Variants in CHST15 observed in about 807,000 individuals in gnomAD.
The protein encoded by CHST15 is carbohydrate sulfotransferase 15.
In CHST15, 30 loss-of-function variants were observed where a neutral mutation model predicts 53.6. That is an observed-to-expected ratio of 0.56 (90% CI 0.42 to 0.76). The LOEUF is 0.76. Ranked by LOEUF, CHST15 falls within the 30% of genes least tolerant of loss-of-function variation. CHST15 has a pLI of 0.00. For missense variants in CHST15, 627 were observed against 740.5 expected (o/e 0.85, Z 1.78); for synonymous variants, 296 against 289.8 (o/e 1.02, Z -0.22).
chr10:124,030,907 C>T (rs1051872408), intron 5 of CHST15, among the ~76,000 whole-genome samples: 2 of 152,230 alleles, frequency 1.3e-5, no homozygotes, highest in African/African-American at 4.8e-5. Context: ...TGCCCTAGGG[C>T]GGGCATCCTG....
At chr10:124,020,482 G>A (rs1377767521) in intron 6 of CHST15, 2 of 985,428 alleles carry the variant, frequency 2.0e-6, no homozygotes, top group Non-Finnish European at 2.4e-6. Context: ...CACGGCCTCT[G>A]TAGTAAGAAA....
Position 124,074,804 on chromosome 10 carries a change from G to A in CHST15, c.-513+18665C>T, listed in dbSNP as rs1949021883. Among the ~76,000 whole-genome samples, 1 of 152,152 alleles carries A rather than the reference G, an allele frequency of 6.6e-6. No individual in the cohort carries two copies. Among genetic ancestry groups the A allele is most frequent in the African/African-American group, 2.4e-5 (1 of 41,424 alleles). ...TAGACTCTAACCTCCATGAGGACAGGACCTGGGCATGTCTCACTCGCCACT... is the reference window on the plus strand; with the variant it reads ...TAGACTCTAACCTCCATGAGGACAGAACCTGGGCATGTCTCACTCGCCACT... On this transcript the variant is annotated intron_variant, in intron 1 of 7. Transcript: ENST00000435907. This position sits in a 1 kb window ranked among gnomAD's most constrained non-coding sequence, Gnocchi z 4.4.
chr10:124,076,927 T>C (rs1213773656), intron 1 of CHST15, among the ~76,000 whole-genome samples: 2 of 152,184 alleles, frequency 1.3e-5, no homozygotes, highest in African/African-American at 4.8e-5. Flanking sequence ...GCCAGGATGG[T>C]CTCAATCTCC....
At chr10:124,073,743 G>T (rs1948990921) in intron 1 of CHST15, among the ~76,000 whole-genome samples, 1 of 152,240 alleles carries the variant, frequency 6.6e-6, no homozygotes, top group Non-Finnish European at 1.5e-5. Context: ...TCTCCCATCA[G>T]ACGACGCCCA....
chr10:124,057,980 A>G (rs1328798338), intron 1 of CHST15, among the ~76,000 whole-genome samples: 2 of 151,760 alleles, frequency 1.3e-5, no homozygotes, highest in African/African-American at 4.9e-5. Context: ...CTCCCCCCCA[A>G]TGATTTCAAT....
At chr10:124,048,940 T>C (rs1008433802) in intron 1 of CHST15, among the ~76,000 whole-genome samples, 2 of 152,024 alleles carry the variant, frequency 1.3e-5, no homozygotes, top group Admixed American at 1.3e-4. Flanking sequence ...GGAGGGAAGA[T>C]GGGGTGCCCG....
In CHST15 at chr10:124,075,989, C is replaced by T. The variant is rs147651047; in HGVS notation, c.-513+17480G>A. ...TGACAAGGATGACCTACAGTGGCCCCTAAAATCCTAGACTGTCTCCAGGAG... is the reference window on the plus strand; with the variant it reads ...TGACAAGGATGACCTACAGTGGCCCTTAAAATCCTAGACTGTCTCCAGGAG... On this transcript the variant is annotated intron_variant, in intron 1 of 7. Transcript: ENST00000435907. Among the ~76,000 whole-genome samples, 1,178 of 152,296 alleles carry T rather than the reference C, an allele frequency of 7.7e-3. 18 individuals are homozygous for T. Among genetic ancestry groups the T allele is most frequent in the African/African-American group, 0.026 (1,100 of 41,562 alleles).
At chr10:124,025,933 G>T (rs1946987440) in intron 5 of CHST15, among the ~76,000 whole-genome samples, 1 of 152,134 alleles carries the variant, frequency 6.6e-6, no homozygotes, top group Admixed American at 6.5e-5. Context: ...CAGACATCTT[G>T]ATTTAGGACT....
chr10:124,045,541 A>G (rs924968474), intron 2 of CHST15, 126 bp downstream of exon 2: 12 of 962,790 alleles, frequency 1.2e-5, no homozygotes, highest in Non-Finnish European at 1.9e-5. Context: ...CTGTCAAATG[A>G]TCCTTGCTAC....
rs146224374 is a variant in CHST15, at chr10:124,089,188, C to T, written c.-513+4281G>A. ...TTTACAGACCAGAAGGGGAGGGAGG[C>T]TGCGTGATTCTCACCAGTGACTGAG... is the stretch of plus-strand genomic sequence containing the variant. On this transcript the variant is annotated intron_variant, in intron 1 of 7. Transcript: ENST00000435907. Among the ~76,000 whole-genome samples the T allele has an allele frequency of 3.3e-5, 5 of 152,298 alleles. No homozygotes were observed. In the East Asian group the frequency reaches 9.6e-4, roughly 29 times the overall value.
chr10:124,008,205 A>T lies in CHST15; in HGVS notation c.*1944T>A, dbSNP rs1487623353. The T allele has an allele frequency of 4.1e-6, 5 of 1,227,122 alleles. No individual in the cohort carries two copies. The African/African-American group carries it at 7.8e-5, about 19-fold the overall frequency. 76.0% of individuals were successfully genotyped at this position (1,227,122 alleles called of 1,614,324 possible). On this transcript the variant is annotated 3_prime_UTR_variant, in exon 8 of 8. Transcript: ENST00000435907. ...CTTGTTGTAATTATGGTTGGTGTGG[A>T]ATAGTAAAATATGTACTGAAAATGA...
intron 1 of CHST15, among the ~76,000 whole-genome samples, chr10:124,086,426 C>T (rs1949426829): frequency 6.6e-6 from 1 of 152,184 alleles, no homozygotes; most frequent in Non-Finnish European, 1.5e-5. Flanking sequence ...TCTACACCAT[C>T]CCAGGAATAT....
chr10:124,050,008 G>T (rs1030302637), intron 1 of CHST15, among the ~76,000 whole-genome samples: 30 of 152,238 alleles, frequency 2.0e-4, no homozygotes, highest in African/African-American at 7.2e-4. Flanking sequence ...ATTTGCTGGT[G>T]TTGGAAAATA....
chr10:124,012,855 C>T (rs1410050790), intron 6 of CHST15, among the ~76,000 whole-genome samples: 4 of 152,136 alleles, frequency 2.6e-5, no homozygotes, highest in African/African-American at 7.2e-5. Context: ...ATGCCCAGCA[C>T]ACAACGGGAT....
At chr10:124,016,485 TG>T (rs1431480813) in intron 6 of CHST15, among the ~76,000 whole-genome samples, 1 of 152,154 alleles carries the variant, frequency 6.6e-6, no homozygotes, top group Non-Finnish European at 1.5e-5. Context: ...AGCCTGCCCC[TG>T]GGGATCTCCT....
intron 5 of CHST15, among the ~76,000 whole-genome samples, chr10:124,028,326 G>A (rs949229636): frequency 6.6e-6 from 1 of 152,202 alleles, no homozygotes; most frequent in Non-Finnish European, 1.5e-5. Context: ...AAGTGATGAT[G>A]TGGTTGTTCA....
At chr10:124,040,157 A>G (rs1162444713) in intron 4 of CHST15, among the ~76,000 whole-genome samples, 1 of 152,210 alleles carries the variant, frequency 6.6e-6, no homozygotes, top group Non-Finnish European at 1.5e-5. Flanking sequence ...ATTCTGTCAG[A>G]TCTCAAAAAT....
intron 1 of CHST15, among the ~76,000 whole-genome samples, chr10:124,054,102 C>A (rs774311154): frequency 1.3e-5 from 2 of 152,160 alleles, no homozygotes; most frequent in Non-Finnish European, 2.9e-5. Flanking sequence ...GATGAAGAGG[C>A]CTTCCTCCTT....
At chr10:124,077,044 C>T (rs1206394496) in intron 1 of CHST15, among the ~76,000 whole-genome samples, 1 of 152,214 alleles carries the variant, frequency 6.6e-6, no homozygotes, top group Non-Finnish European at 1.5e-5. Flanking sequence ...TTTCATGTTG[C>T]ACTGCGTCTT....
Sources: allele counts gnomAD v4.1 joint callset (sites outside exome capture counted in the v4.1 genomes callset), GRCh38; gene constraint gnomAD v4.1.1; non-coding constraint Gnocchi (gnomAD v3.1); transcripts MANE v1.5; gene names NCBI Gene and HGNC (gene_info 2026-07-23, HGNC 2026-07-21).